The following RRAS2 variants were observed in gnomAD, a reference collection of about 807,000 sequenced individuals.
The protein encoded by RRAS2 is RAS related 2, also known as ras-related protein R-Ras2.
RRAS2 carries 7 observed loss-of-function variants against 27.6 expected under a neutral mutation model. The observed-to-expected ratio is 0.25, with a 90% CI of 0.14 to 0.48. The LOEUF is 0.48. Ranked by LOEUF, RRAS2 falls within the 20% of genes least tolerant of loss-of-function variation. RRAS2 has a pLI of 0.99. For synonymous variants in RRAS2, 86 were observed against 90.9 expected (o/e 0.95, Z 0.31); for missense variants, 178 against 256.2 (o/e 0.69, Z 2.08).
upstream of RRAS2, chr11:14,359,221 T>C: frequency 7.2e-6 from 1 of 138,576 alleles, no homozygotes; most frequent in Non-Finnish European, 1.2e-5. Context: ...TGCATATGCA[T>C]GAGGGGGCGG....
chr11:14,348,329 T>A (rs151297303), intron 1 of RRAS2, among the ~76,000 whole-genome samples: 1 of 152,228 alleles, frequency 6.6e-6, no homozygotes, highest in African/African-American at 2.4e-5. Context: ...CAATAACTTA[T>A]GAGAACATAC....
intron 1 of RRAS2, among the ~76,000 whole-genome samples, chr11:14,356,450 T>C (rs1168668114): frequency 6.6e-6 from 1 of 152,196 alleles, no homozygotes; most frequent in African/African-American, 2.4e-5. Context: ...CACCTACCAT[T>C]ACTGAGCACA....
chr11:14,344,892 G>T (rs1848795729), intron 1 of RRAS2, among the ~76,000 whole-genome samples: 1 of 150,334 alleles, frequency 6.7e-6, no homozygotes, highest in Admixed American at 6.6e-5. Context: ...CTCTTCTTCA[G>T]TAACTAGATG....
upstream of RRAS2, among the ~76,000 whole-genome samples, chr11:14,360,306 C>T (rs142258227): frequency 4.9e-3 from 747 of 152,204 alleles, 27 homozygotes; most frequent in Non-Finnish European, 7.8e-4. Flanking sequence ...CTTCCAATGA[C>T]GGCATCCCCT....
upstream of RRAS2, among the ~76,000 whole-genome samples, chr11:14,361,478 G>C (rs1029275303): frequency 1.3e-5 from 2 of 151,762 alleles, no homozygotes; most frequent in Admixed American, 1.3e-4. Flanking sequence ...TCAGTGAGCC[G>C]AGCTCGGGGC....
upstream of RRAS2, among the ~76,000 whole-genome samples, chr11:14,360,535 G>T (rs908112262): frequency 6.6e-6 from 1 of 151,958 alleles, no homozygotes; most frequent in African/African-American, 2.4e-5. Context: ...CTAGCAGCTG[G>T]GACTACAGGC....
chr11:14,359,572 T>TAG, upstream of RRAS2, among the ~76,000 whole-genome samples: 1 of 152,174 alleles, frequency 6.6e-6, no homozygotes, highest in Non-Finnish European at 1.5e-5. Flanking sequence ...GATTGAGGAT[T>TAG]AGAGCTGTGT....
chr11:14,318,537 G>A (rs1166817359), intron 1 of RRAS2, among the ~76,000 whole-genome samples: 2 of 151,814 alleles, frequency 1.3e-5, no homozygotes, highest in Non-Finnish European at 2.9e-5. Context: ...AAAACCTTGA[G>A]TGCCCAGGGA....
rs1848370156 is a variant in RRAS2 at position 14,326,876 on chromosome 11, C to T, written c.109-31021G>A. ...GAGATCGAGACCATCCCGGCTAAAA[C>T]GGTGAAACCCCGTCTCTACTAAAAA... is the stretch of plus-strand genomic sequence containing the variant. On this transcript the variant is annotated intron_variant, in intron 1 of 5. Coordinates refer to ENST00000256196, the MANE Select transcript of RRAS2 (RefSeq NM_012250.6). 2.8e-5 allele frequency among the ~76,000 whole-genome samples: 2 copies of T among 71,498 alleles called. 1 individual carries two copies. The highest frequency in any genetic ancestry group is 7.6e-5 in the Non-Finnish European group (2 of 26,230). 46.9% of individuals were successfully genotyped at this position (71,498 alleles called of 152,430 possible).
chr11:14,319,751 T>C (rs1848186718), intron 1 of RRAS2, among the ~76,000 whole-genome samples: 1 of 152,202 alleles, frequency 6.6e-6, no homozygotes, highest in Non-Finnish European at 1.5e-5. Context: ...ATTTTCAAAA[T>C]ATCTTACTCA....
rs575323577 is a variant in RRAS2 at position 14,331,658 on chromosome 11, G to A, written c.108+27105C>T. On this transcript the variant is annotated intron_variant, in intron 1 of 5. Coordinates refer to ENST00000256196, the MANE Select transcript of RRAS2 (RefSeq NM_012250.6). Reference sequence around the variant, plus strand: ...TCAAGTCCAGCGTAGGCAACATAGGGAGATCCCCAACTCTTAAAAAAAAAA... The same window carrying A: ...TCAAGTCCAGCGTAGGCAACATAGGAAGATCCCCAACTCTTAAAAAAAAAA... 6.0e-4 allele frequency among the ~76,000 whole-genome samples: 86 copies of A among 142,878 alleles called. 1 individual carries two copies. Among genetic ancestry groups the A allele is most frequent in the African/African-American group, 2.1e-3 (81 of 37,888 alleles). The allele number at this position is 142,878 out of a possible 152,430, so 93.7% of individuals were successfully genotyped here.
At chr11:14,300,165 G>A (rs1350927278) in intron 1 of RRAS2, among the ~76,000 whole-genome samples, 1 of 152,208 alleles carries the variant, frequency 6.6e-6, no homozygotes, top group African/African-American at 2.4e-5. Context: ...GTGGAGGATG[G>A]AGAGAGCACA....
intron 1 of RRAS2, among the ~76,000 whole-genome samples, chr11:14,307,121 G>A (rs782721094): frequency 6.6e-5 from 10 of 151,698 alleles, no homozygotes; most frequent in Non-Finnish European, 2.9e-5. Context: ...AGCTCGGGAA[G>A]TCAAGGCTGC....
rs530035012 is a variant in RRAS2, at chr11:14,287,573, T to C, written c.409-5853A>G. Among the ~76,000 whole-genome samples, 4 of 152,150 alleles carry C rather than the reference T, an allele frequency of 2.6e-5. No individual in the cohort carries two copies. In the South Asian group the frequency reaches 6.2e-4, roughly 24 times the overall value. On this transcript the variant is annotated intron_variant, in intron 4 of 5. Transcript: ENST00000256196. Reference sequence around the variant, plus strand: ...GAATAGCAACTCACCTATCCTTATATAGGGTAAAAAAAGTTAGGCCAGGCA... The same window carrying C: ...GAATAGCAACTCACCTATCCTTATACAGGGTAAAAAAAGTTAGGCCAGGCA...
intron 1 of RRAS2, among the ~76,000 whole-genome samples, chr11:14,325,596 G>C (rs1032601430): frequency 6.6e-6 from 1 of 152,132 alleles, no homozygotes; most frequent in Admixed American, 6.5e-5. Context: ...ACCGTGCCCG[G>C]CTTCCTTTCA....
chr11:14,300,603 A>C (rs1284232749), intron 1 of RRAS2, among the ~76,000 whole-genome samples: 1 of 152,072 alleles, frequency 6.6e-6, no homozygotes, highest in Non-Finnish European at 1.5e-5. Context: ...AAAAAAATTG[A>C]TCTGGGTAAG....
chr11:14,363,507 G>A (rs373134775), upstream of RRAS2, among the ~76,000 whole-genome samples: 21 of 152,294 alleles, frequency 1.4e-4, no homozygotes, highest in African/African-American at 4.1e-4. Context: ...AGTGGCTCAC[G>A]CTTGTAATCC....
At chr11:14,307,024 C>G (rs1426370068) in intron 1 of RRAS2, among the ~76,000 whole-genome samples, 1 of 151,908 alleles carries the variant, frequency 6.6e-6, no homozygotes, top group African/African-American at 2.4e-5. Context: ...AACCCAGTGT[C>G]TACCCAAAAT....
chr11:14,294,863 C>G lies in RRAS2; in HGVS notation c.197-1G>C. 6.2e-7 allele frequency: 1 copy of G among 1,612,314 alleles called. No individual in the cohort carries two copies. The highest frequency in any genetic ancestry group is 8.5e-7 in the Non-Finnish European group (1 of 1,178,850). ...TCTTCTTGTCCTGCTGTATCCAAAA[C>G]TAAAGAAAAAACAACAAATGTAATT... On this transcript the variant is annotated splice_acceptor_variant, in intron 2 of 5. Coordinates refer to ENST00000256196, the MANE Select transcript of RRAS2 (RefSeq NM_012250.6). LOFTEE classifies it high-confidence loss of function.
Sources: allele counts gnomAD v4.1 joint callset (sites outside exome capture counted in the v4.1 genomes callset), GRCh38; gene constraint gnomAD v4.1.1; transcripts MANE v1.5; gene names NCBI Gene and HGNC (gene_info 2026-07-23, HGNC 2026-07-21).